The following ANKRD44 variants were observed in gnomAD, a reference collection of about 807,000 sequenced individuals.
The protein encoded by ANKRD44 is serine/threonine-protein phosphatase 6 regulatory ankyrin repeat subunit B.
ANKRD44 carries 35 observed loss-of-function variants against 116.0 expected under a neutral mutation model. That is an observed-to-expected ratio of 0.30 (90% CI 0.23 to 0.40). The LOEUF is 0.40. Ranked by LOEUF, ANKRD44 falls within the 10% of genes least tolerant of loss-of-function variation. The probability of loss-of-function intolerance (pLI) is 1.00; values close to 1 mark genes in which losing one functional copy is unlikely to be tolerated. For missense variants in ANKRD44, 1,014 were observed against 1,242.6 expected (o/e 0.82, Z 2.77); for synonymous variants, 435 against 461.8 (o/e 0.94, Z 0.74).
Position 196,967,299 on chromosome 2 carries a change from C to G in ANKRD44, c.*140G>C, listed in dbSNP as rs961979244. ...GACAGGCAAGGCGAATCCGGTTACTCCCTTTCCCTTCCCCAACCGCAGCTC... is the reference window on the plus strand; with the variant it reads ...GACAGGCAAGGCGAATCCGGTTACTGCCTTTCCCTTCCCCAACCGCAGCTC... On this transcript the variant is annotated 3_prime_UTR_variant, in exon 22 of 22. Coordinates refer to the ANKRD44 transcript ENST00000424317. 10 of 366,352 alleles carry G rather than the reference C, an allele frequency of 2.7e-5. No homozygotes were observed. The Admixed American group carries it at 2.8e-4, about 10-fold the overall frequency. The allele number at this position is 366,352 out of a possible 1,614,324, so 22.7% of individuals were successfully genotyped here.
At chr2:197,239,630 G>A (rs1270782024) in intron 1 of ANKRD44, among the ~76,000 whole-genome samples, 1 of 152,192 alleles carries the variant, frequency 6.6e-6, no homozygotes, top group Non-Finnish European at 1.5e-5. Flanking sequence ...ATTACTCAAT[G>A]CAAGATAACC....
chr2:197,285,766 A>G (rs1303989178), intron 1 of ANKRD44, among the ~76,000 whole-genome samples: 1 of 152,230 alleles, frequency 6.6e-6, no homozygotes, highest in Non-Finnish European at 1.5e-5. Flanking sequence ...ATAAAACCTC[A>G]TTATGGTTGA....
chr2:197,290,821 GT>G (rs536327643), intron 1 of ANKRD44, among the ~76,000 whole-genome samples: 73 of 151,616 alleles, frequency 4.8e-4, no homozygotes, highest in Non-Finnish European at 8.4e-4. Flanking sequence ...TTTTGTTTTT[GT>G]TTTTGTTTTT....
At chr2:197,190,838 C>T (rs117867840) in intron 1 of ANKRD44, among the ~76,000 whole-genome samples, 2,976 of 152,312 alleles carry the variant, frequency 0.02, 48 homozygotes, top group South Asian at 0.036. Context: ...CCTACCTGCA[C>T]AAGAGCAGAG....
At chr2:197,151,186 C>A (rs2079640608) in intron 2 of ANKRD44, among the ~76,000 whole-genome samples, 1 of 143,884 alleles carries the variant, frequency 7.0e-6, no homozygotes, top group African/African-American at 2.6e-5. Flanking sequence ...GAAGAAGAAA[C>A]AAAACCTAGC....
chr2:197,216,829 A>G (rs554051676), intron 1 of ANKRD44, among the ~76,000 whole-genome samples: 1 of 150,592 alleles, frequency 6.6e-6, no homozygotes, highest in African/African-American at 2.4e-5. Flanking sequence ...TAAGGCAGCC[A>G]GAAGGCAGGG....
intron 22 of ANKRD44, 31 bp from the exon 23 acceptor site, chr2:197,000,533 T>A (rs773033481): frequency 6.4e-6 from 10 of 1,551,456 alleles, no homozygotes; most frequent in Admixed American, 1.7e-5. Context: ...AATGTAACAA[T>A]CTCACTCTTT....
At chr2:197,047,415 T>A (rs1449057068) in intron 16 of ANKRD44, among the ~76,000 whole-genome samples, 1 of 152,192 alleles carries the variant, frequency 6.6e-6, no homozygotes, top group African/African-American at 2.4e-5. Context: ...TTGGAAAATA[T>A]ACACATTGGG....
intron 21 of ANKRD44, among the ~76,000 whole-genome samples, chr2:196,977,063 A>G (rs1351854192): frequency 6.6e-6 from 1 of 152,234 alleles, no homozygotes; most frequent in Admixed American, 6.5e-5. Context: ...TTAAGAAAAC[A>G]ATTCCCTTAA....
chr2:197,139,536 G>A (rs1024356026), intron 3 of ANKRD44, among the ~76,000 whole-genome samples: 2 of 152,084 alleles, frequency 1.3e-5, no homozygotes, highest in South Asian at 4.1e-4. Context: ...TAGTGACTGC[G>A]TCTAGGGAAA....
At chr2:197,226,391 C>A (rs928002184) in intron 1 of ANKRD44, among the ~76,000 whole-genome samples, 1 of 152,184 alleles carries the variant, frequency 6.6e-6, no homozygotes, top group Non-Finnish European at 1.5e-5. Context: ...CCCGACCAGG[C>A]ACGGTGGCTC....
At chr2:197,284,903 A>AT (rs1015725237) in intron 1 of ANKRD44, among the ~76,000 whole-genome samples, 3 of 150,532 alleles carry the variant, frequency 2.0e-5, no homozygotes, top group Non-Finnish European at 4.4e-5. Context: ...AAAAAATTAA[A>AT]TTTTTTTTTA....
At chr2:197,145,003 G>A (rs1032238768) in intron 3 of ANKRD44, among the ~76,000 whole-genome samples, 1 of 152,104 alleles carries the variant, frequency 6.6e-6, no homozygotes, top group Non-Finnish European at 1.5e-5. Flanking sequence ...CATTTAAGAG[G>A]TGGGTGGGCT....
At chr2:197,160,530 T>C (rs1181325035) in intron 2 of ANKRD44, among the ~76,000 whole-genome samples, 2 of 152,212 alleles carry the variant, frequency 1.3e-5, no homozygotes, top group East Asian at 1.9e-4. Flanking sequence ...CTGGCCATTG[T>C]AGCCTGTCCT....
At chr2:197,280,290 G>A (rs2083225916) in intron 1 of ANKRD44, among the ~76,000 whole-genome samples, 1 of 152,198 alleles carries the variant, frequency 6.6e-6, no homozygotes, top group Admixed American at 6.5e-5. Flanking sequence ...CTCCACCCAA[G>A]TCAGCAACAC....
At chr2:197,068,234 A>C (rs2077477568) in intron 16 of ANKRD44, among the ~76,000 whole-genome samples, 1 of 114,032 alleles carries the variant, frequency 8.8e-6, no homozygotes, top group African/African-American at 3.3e-5. Flanking sequence ...GGGGGGAGGG[A>C]TAGCATTGGG....
At chr2:197,044,941 G>C (rs2076975567) in intron 16 of ANKRD44, among the ~76,000 whole-genome samples, 1 of 152,074 alleles carries the variant, frequency 6.6e-6, no homozygotes, top group South Asian at 2.1e-4. Context: ...CCAAGTTTGT[G>C]CTCAGAGAGG....
At chr2:197,116,047 A>G (rs943774672) in intron 8 of ANKRD44, among the ~76,000 whole-genome samples, 10 of 152,224 alleles carry the variant, frequency 6.6e-5, no homozygotes, top group African/African-American at 2.4e-4. Flanking sequence ...AAAAATAAAT[A>G]TTAAAATTAA....
At chr2:197,053,524 C>G (rs2077150114) in intron 16 of ANKRD44, among the ~76,000 whole-genome samples, 1 of 152,172 alleles carries the variant, frequency 6.6e-6, no homozygotes, top group Non-Finnish European at 1.5e-5. Flanking sequence ...GCTCTTGTTG[C>G]CCAGGTTGGA....
Sources: gnomAD v4.1 joint callset for allele counts (sites outside exome capture counted in the v4.1 genomes callset) on GRCh38, gnomAD v4.1.1 for gene constraint, MANE v1.5 for transcripts, NCBI Gene and HGNC (gene_info 2026-07-23, HGNC 2026-07-21) for gene names.